The following MACROD1 variants were observed in gnomAD, a reference collection of about 807,000 sequenced individuals.
MACROD1 encodes the protein ADP-ribose glycohydrolase MACROD1.
In MACROD1, 31 loss-of-function variants were observed where a neutral mutation model predicts 41.4. The observed-to-expected ratio is 0.75, with a 90% CI of 0.56 to 1.01. The LOEUF is 1.01. Ranked by LOEUF, MACROD1 falls within the 50% of genes least tolerant of loss-of-function variation. The probability of loss-of-function intolerance (pLI) is 0.00; values close to 1 mark genes in which losing one functional copy is unlikely to be tolerated. For missense variants in MACROD1, 473 were observed against 460.0 expected, an observed-to-expected ratio of 1.03 and a Z score of -0.26; for synonymous variants, 252 against 203.4, an observed-to-expected ratio of 1.24 and a Z score of -2.03.
chr11:64,136,250 C>A (rs1945330864), intron 3 of MACROD1, among the ~76,000 whole-genome samples: 1 of 152,236 alleles, frequency 6.6e-6, no homozygotes, highest in South Asian at 2.1e-4. Context: ...CCCACAACTC[C>A]TCATTCATTC....
At chr11:64,134,429 G>A (rs1464577891) in intron 3 of MACROD1, among the ~76,000 whole-genome samples, 3 of 152,248 alleles carry the variant, frequency 2.0e-5, no homozygotes, top group Non-Finnish European at 2.9e-5. Flanking sequence ...CAAGGGAGCT[G>A]GTGGGGGTAG....
At chr11:64,086,761 G>C (rs2134508947) in intron 3 of MACROD1, among the ~76,000 whole-genome samples, 1 of 152,288 alleles carries the variant, frequency 6.6e-6, no homozygotes, top group East Asian at 1.9e-4. Flanking sequence ...GACACACCCA[G>C]ATCACCCAAG....
chr11:64,080,773 G>C (rs1240505215), intron 3 of MACROD1, among the ~76,000 whole-genome samples: 3 of 152,202 alleles, frequency 2.0e-5, no homozygotes, highest in Non-Finnish European at 4.4e-5. Flanking sequence ...TTTAGAGCCA[G>C]TGGTGCTCAG....
chr11:64,075,368 T>C (rs971889130), intron 3 of MACROD1, among the ~76,000 whole-genome samples: 1 of 152,244 alleles, frequency 6.6e-6, no homozygotes, highest in Non-Finnish European at 1.5e-5. Context: ...CTGGGCACTA[T>C]CCCAAGCTTG....
chr11:64,150,472 C>G (rs991352370), intron 3 of MACROD1, among the ~76,000 whole-genome samples: 1 of 152,186 alleles, frequency 6.6e-6, no homozygotes, highest in Non-Finnish European at 1.5e-5. Context: ...AAGAGGCCCC[C>G]CTTCCTCCAA....
At position 64,082,129 on chromosome 11, in the gene MACROD1, G is replaced by A. The variant is rs1381492905; in HGVS notation, c.518-66848C>T. ...TGCCCATCTCCCCAGGCCCTCCTGT[G>A]GCTGCGCCTGGAGCCTCCCGGGAGG... On this transcript the variant is annotated intron_variant, in intron 3 of 10. Transcript: ENST00000255681. This position sits in a 1 kb window ranked among gnomAD's most constrained non-coding sequence, Gnocchi z 4.5. 1 of 152,172 alleles carries A rather than the reference G, an allele frequency of 6.6e-6. No individual in the cohort carries two copies. Among genetic ancestry groups the A allele is most frequent in the Non-Finnish European group, 1.5e-5 (1 of 68,066 alleles). The allele number at this position is 152,172 out of a possible 1,614,324, so 9.4% of individuals were successfully genotyped here. A position where few individuals can be genotyped will look rare whatever the true frequency, so the allele number is the denominator to read the frequency against.
At chr11:64,001,694 C>T (rs1171373169) in intron 4 of MACROD1, 2 of 702,132 alleles carry the variant, frequency 2.8e-6, no homozygotes, top group Admixed American at 4.0e-5. Flanking sequence ...GGATCCCTTC[C>T]ACCTGCTCCT....
intron 3 of MACROD1, among the ~76,000 whole-genome samples, chr11:64,066,294 CAAAAAA>C (rs59963244): frequency 3.9e-5 from 2 of 50,936 alleles, no homozygotes; most frequent in African/African-American, 1.3e-4. Flanking sequence ...GAGACTGTCT[CAAAAAA>C]AAAAAAAAAA....
intron 2 of MACROD1, among the ~76,000 whole-genome samples, chr11:64,151,757 G>C (rs889664704): frequency 6.6e-6 from 1 of 152,124 alleles, no homozygotes; most frequent in African/African-American, 2.4e-5. Context: ...AAGTAATCTC[G>C]GGCAGGTGGC....
At chr11:64,117,904 G>T in intron 3 of MACROD1, 1 of 1,613,878 alleles carries the variant, frequency 6.2e-7, no homozygotes, top group Non-Finnish European at 8.5e-7. Flanking sequence ...CAGAACGCTG[G>T]CCCCATGGCG....
intron 4 of MACROD1, among the ~76,000 whole-genome samples, chr11:64,005,526 G>T (rs1168090865): frequency 6.6e-6 from 1 of 152,246 alleles, no homozygotes; most frequent in Non-Finnish European, 1.5e-5. Context: ...GGTTGTGGGG[G>T]TGAGTGGGGC....
intron 3 of MACROD1, chr11:64,126,828 T>A: frequency 6.6e-6 from 1 of 152,356 alleles, no homozygotes; most frequent in East Asian, 1.9e-4. Context: ...GTACCCCCAC[T>A]TCCCACGCCC....
intron 3 of MACROD1, among the ~76,000 whole-genome samples, chr11:64,109,404 G>A (rs562905304): frequency 1.1e-4 from 17 of 152,246 alleles, no homozygotes; most frequent in East Asian, 9.7e-4. Flanking sequence ...TGGGAAACCC[G>A]GGAGGCTGCC....
At chr11:64,015,634 G>A (rs928775094) in intron 3 of MACROD1, among the ~76,000 whole-genome samples, 1 of 152,112 alleles carries the variant, frequency 6.6e-6, no homozygotes, top group Non-Finnish European at 1.5e-5. Flanking sequence ...GAGGCTGGTC[G>A]GCGCCAGGCC....
chr11:64,010,534 CTGGCATGTTGGT>C (rs1246905094), intron 4 of MACROD1, among the ~76,000 whole-genome samples: 1 of 132,744 alleles, frequency 7.5e-6, no homozygotes, highest in Non-Finnish European at 1.6e-5. Context: ...GGGGCGTTGG[CTGGCATGTTGGT>C]TGGCATGTGT....
chr11:64,048,737 A>G (rs1291729784), intron 3 of MACROD1, among the ~76,000 whole-genome samples: 1 of 152,182 alleles, frequency 6.6e-6, no homozygotes, highest in African/African-American at 2.4e-5. Context: ...CAGGGTTAGG[A>G]AATTCAACCC....
intron 3 of MACROD1, among the ~76,000 whole-genome samples, chr11:64,038,053 G>A (rs1943416337): frequency 6.6e-6 from 1 of 152,172 alleles, no homozygotes; most frequent in African/African-American, 2.4e-5. Context: ...TGCTGTCACT[G>A]GACTTCATCC....
At chr11:64,055,545 G>A (rs905878114) in intron 3 of MACROD1, among the ~76,000 whole-genome samples, 6 of 152,196 alleles carry the variant, frequency 3.9e-5, no homozygotes, top group Non-Finnish European at 5.9e-5. Context: ...TTTCACTGGT[G>A]TCCTTTCCAG....
At chr11:64,053,170 C>A (rs369961592) in intron 3 of MACROD1, among the ~76,000 whole-genome samples, 40 of 152,298 alleles carry the variant, frequency 2.6e-4, no homozygotes, top group African/African-American at 9.4e-4. Flanking sequence ...AGAGCTGGGG[C>A]TGGGCTTGGG....
Sources: allele counts gnomAD v4.1 joint callset (sites outside exome capture counted in the v4.1 genomes callset), GRCh38; gene constraint gnomAD v4.1.1; non-coding constraint Gnocchi (gnomAD v3.1); transcripts MANE v1.5; gene names NCBI Gene and HGNC (gene_info 2026-07-23, HGNC 2026-07-21).